Variants in MTHFS observed in about 807,000 individuals in gnomAD.
The protein encoded by MTHFS is 5-formyltetrahydrofolate cyclo-ligase.
A neutral mutation model predicts 12.7 loss-of-function variants in MTHFS; 7 were observed. The observed-to-expected ratio is 0.55, with a 90% CI of 0.31 to 1.03. The LOEUF (loss-of-function observed/expected upper bound fraction) is 1.03, where lower values mean the gene tolerates loss of function less well. Ranked by LOEUF, MTHFS falls within the 50% of genes least tolerant of loss-of-function variation. The probability of loss-of-function intolerance (pLI) is 0.05; values close to 1 mark genes in which losing one functional copy is unlikely to be tolerated. For missense variants in MTHFS, 252 were observed against 258.1 expected (o/e 0.98, Z 0.16); for synonymous variants, 100 against 97.1 (o/e 1.03, Z -0.18).
rs754872592 is a variant in MTHFS at position 79,886,963 on chromosome 15, G to C, written c.379+2130C>G. On this transcript the variant is annotated intron_variant, in intron 2 of 2. Transcript: ENST00000258874. ...ACATGCTAAAAACCATACATAGGCC[G>C]GGCACGGTGGCCTGTAATCCCAGCA... Among the ~76,000 whole-genome samples the C allele has an allele frequency of 3.9e-5, 6 of 152,146 alleles. 1 individual carries two copies. The highest frequency in any genetic ancestry group is 1.4e-4 in the African/African-American group (6 of 41,424).
rs143598211 is a variant in MTHFS at position 79,859,082 on chromosome 15, G to C, written c.380-13640C>G. ...TACAAAGGAACACAGCAAAGTCCTG[G>C]AATAAATGGGGAGGCACACCATATT... On this transcript the variant is annotated intron_variant, in intron 2 of 2. Transcript: ENST00000258874. Among the ~76,000 whole-genome samples the C allele has an allele frequency of 5.3e-3, 805 of 152,276 alleles. 5 individuals are homozygous for C. The highest frequency in any genetic ancestry group is 0.018 in the African/African-American group (731 of 41,548).
chr15:79,880,376 G>A (rs527878520), intron 2 of MTHFS, among the ~76,000 whole-genome samples: 6 of 151,866 alleles, frequency 4.0e-5, no homozygotes, highest in East Asian at 1.9e-4. Flanking sequence ...CACTGCGCCC[G>A]GCCTCTGCTT....
intron 2 of MTHFS, among the ~76,000 whole-genome samples, chr15:79,881,633 C>T (rs2141370320): frequency 6.6e-6 from 1 of 151,872 alleles, no homozygotes; most frequent in African/African-American, 2.4e-5. Context: ...ACATGTGACT[C>T]AGTCCAAGTT....
rs181440164 is a variant in MTHFS, at chr15:79,856,938, C to T, written c.380-11496G>A. 5.3e-5 allele frequency among the ~76,000 whole-genome samples: 8 copies of T among 149,922 alleles called. No individual in the cohort carries two copies. In the East Asian group the frequency reaches 1.2e-3, roughly 22 times the overall value. The stretch of plus-strand genomic sequence containing the variant: ...AATTTCTTCAGATACAGAAATACAA[C>T]GGTGTTTTGGAGCTATTTCTATTTT... On this transcript the variant is annotated intron_variant, in intron 2 of 2. Coordinates refer to ENST00000258874, the MANE Select transcript of MTHFS (RefSeq NM_006441.4).
chr15:79,858,403 C>G (rs927432520), intron 2 of MTHFS, among the ~76,000 whole-genome samples: 1 of 152,108 alleles, frequency 6.6e-6, no homozygotes, highest in African/African-American at 2.4e-5. Context: ...GTATCAACCA[C>G]GAAAGGATGA....
chr15:79,868,292 A>G (rs2034046301), intron 2 of MTHFS, among the ~76,000 whole-genome samples: 1 of 152,232 alleles, frequency 6.6e-6, no homozygotes, highest in Non-Finnish European at 1.5e-5. Flanking sequence ...ATTTTCTGCA[A>G]CTTCGAATAT....
chr15:79,876,805 GA>G (rs1209996232), intron 2 of MTHFS: 2 of 152,010 alleles, frequency 1.3e-5, no homozygotes, highest in Non-Finnish European at 2.9e-5. Context: ...AGCACTTTGG[GA>G]AGCCAAGGCA....
At chr15:79,885,770 G>T (rs919345565) in intron 2 of MTHFS, among the ~76,000 whole-genome samples, 11 of 152,220 alleles carry the variant, frequency 7.2e-5, no homozygotes, top group Non-Finnish European at 1.6e-4. Flanking sequence ...AGGATGCCAT[G>T]GAACCTAGAG....
intron 1 of MTHFS, among the ~76,000 whole-genome samples, chr15:79,893,383 C>CA (rs1328007180): frequency 1.3e-5 from 2 of 149,996 alleles, no homozygotes; most frequent in African/African-American, 4.9e-5. Flanking sequence ...GCCTGGGCAA[C>CA]AAAGCGATAC....
intron 2 of MTHFS, among the ~76,000 whole-genome samples, chr15:79,850,419 T>C (rs1418734883): frequency 6.6e-6 from 1 of 152,214 alleles, no homozygotes; most frequent in African/African-American, 2.4e-5. Flanking sequence ...GAGTAAATAA[T>C]TTAGGCTTTG....
intron 2 of MTHFS, among the ~76,000 whole-genome samples, chr15:79,873,764 G>T (rs2034144043): frequency 6.6e-6 from 1 of 152,186 alleles, no homozygotes; most frequent in African/African-American, 2.4e-5. Context: ...GCCAGAAGGG[G>T]CAGACTTAAC....
chr15:79,889,439 T>A, intron 1 of MTHFS, 85 bp from the exon 2 acceptor site: 1 of 1,077,744 alleles, frequency 9.3e-7, no homozygotes, highest in Non-Finnish European at 1.3e-6. Flanking sequence ...CTCTCAGCCT[T>A]CTCCAATTTC....
chr15:79,857,466 C>T, intron 2 of MTHFS, among the ~76,000 whole-genome samples: 1 of 152,160 alleles, frequency 6.6e-6, no homozygotes, highest in Admixed American at 6.5e-5. Flanking sequence ...TAAAATTACA[C>T]AGTACATTAT....
At chr15:79,894,915 G>A (rs761233884) in intron 1 of MTHFS, among the ~76,000 whole-genome samples, 1 of 151,976 alleles carries the variant, frequency 6.6e-6, no homozygotes, top group African/African-American at 2.4e-5. Context: ...CACTTGAATT[G>A]GCACAACAGC....
chr15:79,870,717 A>T (rs769385835), intron 2 of MTHFS, among the ~76,000 whole-genome samples: 3 of 152,172 alleles, frequency 2.0e-5, no homozygotes, highest in Non-Finnish European at 4.4e-5. Context: ...AGTTTAAATG[A>T]CTCTTCTCTA....
chr15:79,845,516 T>C, intron 2 of MTHFS, 74 bp from the exon 3 acceptor site: 1 of 1,527,370 alleles, frequency 6.5e-7, no homozygotes, highest in Non-Finnish European at 8.8e-7. Context: ...TTTTTTGTTT[T>C]GTAATGACAT....
chr15:79,860,304 G>T (rs1031544269), intron 2 of MTHFS, among the ~76,000 whole-genome samples: 2 of 151,846 alleles, frequency 1.3e-5, no homozygotes, highest in African/African-American at 4.8e-5. Flanking sequence ...CAGGAGAATG[G>T]CGTGAACCCA....
At chr15:79,878,998 G>A (rs1252635307) in intron 2 of MTHFS, among the ~76,000 whole-genome samples, 1 of 150,948 alleles carries the variant, frequency 6.6e-6, no homozygotes, top group Non-Finnish European at 1.5e-5. Context: ...ATCTGAAACA[G>A]ACTGTACTAA....
At chr15:79,891,411 G>C (rs2034469597) in intron 1 of MTHFS, among the ~76,000 whole-genome samples, 1 of 152,136 alleles carries the variant, frequency 6.6e-6, no homozygotes, top group Non-Finnish European at 1.5e-5. Context: ...ATTCTAATTA[G>C]TTTTCTCAGA....
Sources: gnomAD v4.1 joint callset for allele counts (sites outside exome capture counted in the v4.1 genomes callset) on GRCh38, gnomAD v4.1.1 for gene constraint, MANE v1.5 for transcripts, NCBI Gene and HGNC (gene_info 2026-07-23, HGNC 2026-07-21) for gene names.